The following STK32B variants were observed in gnomAD, a reference collection of about 807,000 sequenced individuals.
The protein encoded by STK32B is serine/threonine-protein kinase 32B.
Under a neutral mutation model 52.6 loss-of-function variants are expected in STK32B, and 43 were observed. The ratio of observed to expected loss-of-function variants is 0.82; its 90% CI spans 0.64 to 1.05. The LOEUF (loss-of-function observed/expected upper bound fraction) is 1.05, where lower values mean the gene tolerates loss of function less well. Ranked by LOEUF, STK32B falls within the 50% of genes least tolerant of loss-of-function variation. The pLI, the probability that STK32B is intolerant of heterozygous loss-of-function variation, is 0.00. For missense variants in STK32B, 621 were observed against 534.6 expected (o/e 1.16, Z -1.59); for synonymous variants, 238 against 204.3 (o/e 1.17, Z -1.41).
At chr4:5,477,737 G>T (rs149848293) in intron 11 of STK32B, among the ~76,000 whole-genome samples, 162 of 152,248 alleles carry the variant, frequency 1.1e-3, no homozygotes, top group African/African-American at 3.7e-3. Context: ...CCAGCCTGAT[G>T]GTAGCACGCA....
chr4:5,375,773 A>G (rs1428663276), intron 4 of STK32B, among the ~76,000 whole-genome samples: 1 of 152,138 alleles, frequency 6.6e-6, no homozygotes, highest in Non-Finnish European at 1.5e-5. Flanking sequence ...AGTATTAAGA[A>G]TGAGACGGTA....
At chr4:5,140,388 A>T in intron 2 of STK32B, 1 of 1,016,100 alleles carries the variant, frequency 9.8e-7, no homozygotes, top group Non-Finnish European at 1.2e-6. Flanking sequence ...GTTTTTAGAA[A>T]ACAAAAATAC....
intron 11 of STK32B, among the ~76,000 whole-genome samples, chr4:5,477,203 A>AT (rs1211028204): frequency 6.6e-6 from 1 of 152,162 alleles, no homozygotes; most frequent in Non-Finnish European, 1.5e-5. Context: ...AAGCATGGCT[A>AT]TTATTATCAG....
intron 5 of STK32B, among the ~76,000 whole-genome samples, chr4:5,409,352 G>A (rs1216930364): frequency 6.6e-6 from 1 of 152,140 alleles, no homozygotes; most frequent in African/African-American, 2.4e-5. Flanking sequence ...GTAGATCATA[G>A]TAGGGAAAGC....
At chr4:5,305,165 C>A (rs1449931828) in intron 3 of STK32B, among the ~76,000 whole-genome samples, 1 of 151,760 alleles carries the variant, frequency 6.6e-6, no homozygotes, top group Non-Finnish European at 1.5e-5. Flanking sequence ...TTGTTATGTC[C>A]TTTTCTGGTT....
chr4:5,317,482 A>G (rs1387899699), intron 3 of STK32B, among the ~76,000 whole-genome samples: 1 of 61,346 alleles, frequency 1.6e-5, no homozygotes, highest in African/African-American at 9.1e-5. Flanking sequence ...TATATATATT[A>G]CATATATATA....
chr4:5,446,782 A>T lies in STK32B; in HGVS notation c.666+6A>T, dbSNP rs1192111340. Reference sequence around the variant, plus strand: ...ATGAGCTGCTGCGGGGCTGGGTAAGACAGGCACCTGTGCGGTACACACGAG... The same window carrying T: ...ATGAGCTGCTGCGGGGCTGGGTAAGTCAGGCACCTGTGCGGTACACACGAG... On this transcript the variant is annotated splice_donor_region_variant and intron_variant, in intron 7 of 11. Coordinates refer to ENST00000282908, the MANE Select transcript of STK32B (RefSeq NM_018401.3). 1 of 1,613,828 alleles carries T rather than the reference A, an allele frequency of 6.2e-7. No homozygotes were observed. Among genetic ancestry groups the T allele is most frequent in the Non-Finnish European group, 8.5e-7 (1 of 1,179,858 alleles).
At position 5,394,736 on chromosome 4, in the gene STK32B, A is replaced by G. The variant is rs2109041204; in HGVS notation, c.435-3471A>G. 1.3e-5 allele frequency among the ~76,000 whole-genome samples: 2 copies of G among 152,316 alleles called. No individual in the cohort carries two copies. The highest frequency in any genetic ancestry group is 3.9e-4 in the East Asian group (2 of 5,184). ...CTGAACAAATGTCATCTCATTGTAC[A>G]CTCAGCAACAGTGAGATGGCTGTTG... On this transcript the variant is annotated intron_variant, in intron 4 of 11. Transcript: ENST00000282908. This position sits in a 1 kb window ranked among gnomAD's most constrained non-coding sequence, Gnocchi z 4.2.
chr4:5,400,528 CTG>C lies in STK32B; in HGVS notation c.472+2285_472+2286del. On this transcript the variant is annotated intron_variant, in intron 5 of 11. Transcript: ENST00000282908. The surrounding 1 kb of genome is among the most constrained non-coding windows in gnomAD (Gnocchi z 6.1). ...CATTTCATCGAAAAGTCTCTGCTAGCTGGTGGGACAGAGCGTTGAATATAATA... is the reference window on the plus strand; with the variant it reads ...CATTTCATCGAAAAGTCTCTGCTAGCGTGGGACAGAGCGTTGAATATAATA... Among the ~76,000 whole-genome samples the C allele has an allele frequency of 6.6e-6, 1 of 152,314 alleles. No homozygotes were observed. The highest frequency in any genetic ancestry group is 2.1e-4 in the South Asian group (1 of 4,822).
At chr4:5,062,014 C>T (rs1331614659) in intron 1 of STK32B, among the ~76,000 whole-genome samples, 1 of 152,174 alleles carries the variant, frequency 6.6e-6, no homozygotes, top group African/African-American at 2.4e-5. Flanking sequence ...ATATTTTGTA[C>T]AGTTACAGTT....
chr4:5,330,124 C>T (rs149604720), intron 3 of STK32B, among the ~76,000 whole-genome samples: 1 of 152,296 alleles, frequency 6.6e-6, no homozygotes, highest in Non-Finnish European at 1.5e-5. Context: ...GTCCCTTCTT[C>T]CCTCTGGGCC....
chr4:5,122,782 C>T (rs1022506607), intron 1 of STK32B, among the ~76,000 whole-genome samples: 9 of 152,180 alleles, frequency 5.9e-5, no homozygotes, highest in African/African-American at 7.2e-5. Flanking sequence ...CTGCATCTGG[C>T]GTTGGCCTTG....
At chr4:5,138,242 G>A (rs561650340) in intron 1 of STK32B, among the ~76,000 whole-genome samples, 12 of 152,314 alleles carry the variant, frequency 7.9e-5, no homozygotes, top group South Asian at 4.2e-4. Context: ...TCGACCTCAC[G>A]CTGGATTCTG....
At chr4:5,121,949 T>A (rs972654621) in intron 1 of STK32B, among the ~76,000 whole-genome samples, 4 of 152,220 alleles carry the variant, frequency 2.6e-5, no homozygotes, top group Non-Finnish European at 4.4e-5. Flanking sequence ...GATCTCACTG[T>A]CAGTGGGAAA....
chr4:5,044,170 T>A, the STK32B span, among the ~76,000 whole-genome samples: 1 of 152,264 alleles, frequency 6.6e-6, no homozygotes, highest in East Asian at 1.9e-4. Flanking sequence ...TTCCTTCCCA[T>A]CCCTTTCTGT....
chr4:5,067,585 A>G (rs1465771538), intron 1 of STK32B, among the ~76,000 whole-genome samples: 2 of 152,238 alleles, frequency 1.3e-5, no homozygotes, highest in African/African-American at 4.8e-5. Context: ...ATTATACTTA[A>G]TAAATACCTA....
At chr4:5,067,243 G>T (rs1742459220) in intron 1 of STK32B, among the ~76,000 whole-genome samples, 1 of 152,128 alleles carries the variant, frequency 6.6e-6, no homozygotes, top group African/African-American at 2.4e-5. Context: ...AAGTATGGGG[G>T]AACCACCCTC....
chr4:5,302,447 T>C (rs1729627544), intron 3 of STK32B, among the ~76,000 whole-genome samples: 2 of 152,138 alleles, frequency 1.3e-5, no homozygotes, highest in African/African-American at 4.8e-5. Context: ...TTTATTGTTT[T>C]ACATTGTACA....
At chr4:5,414,472 T>A (rs1201586852) in intron 5 of STK32B, among the ~76,000 whole-genome samples, 1 of 152,108 alleles carries the variant, frequency 6.6e-6, no homozygotes, top group Non-Finnish European at 1.5e-5. Context: ...AAAATAATTG[T>A]GGAAAAAATT....
Sources: gnomAD v4.1 joint callset for allele counts (sites outside exome capture counted in the v4.1 genomes callset) on GRCh38, gnomAD v4.1.1 for gene constraint, Gnocchi (gnomAD v3.1) non-coding constraint, MANE v1.5 for transcripts, NCBI Gene and HGNC (gene_info 2026-07-23, HGNC 2026-07-21) for gene names.